The following BEND4 variants were observed in gnomAD, a reference collection of about 807,000 sequenced individuals.
The protein encoded by BEND4 is BEN domain containing 4, also known as BEN domain-containing protein 4.
In BEND4, 27 loss-of-function variants were observed where a neutral mutation model predicts 54.7. The observed-to-expected ratio is 0.49, with a 90% CI of 0.36 to 0.68. BEND4 has a LOEUF of 0.68. Among genes scored for constraint, BEND4 ranks in the 30% least tolerant of loss-of-function variants. BEND4 has a pLI of 0.00. For synonymous variants in BEND4, 327 were observed against 299.5 expected (o/e 1.09, Z -0.95); for missense variants, 702 against 697.2 (o/e 1.01, Z -0.08).
chr4:42,134,667 G>A (rs975436903), intron 3 of BEND4, among the ~76,000 whole-genome samples: 4 of 152,318 alleles, frequency 2.6e-5, no homozygotes, highest in South Asian at 2.1e-4. Context: ...CCACGGTAAC[G>A]ATAACAGAAT....
chr4:42,120,312 T>G lies in BEND4; in HGVS notation c.1147-18A>C. The G allele has an allele frequency of 6.3e-7, 1 of 1,591,646 alleles. No homozygotes were observed. Among genetic ancestry groups the G allele is most frequent in the East Asian group, 2.3e-5 (1 of 44,204 alleles). On this transcript the variant is annotated intron_variant, in intron 4 of 5. Transcript: ENST00000502486. Reference sequence around the variant, plus strand: ...TTGCTTCCCTGGAAAAGCGAAATATTTTCTCATTACCCACCGAGCCAGCCA... The same window carrying G: ...TTGCTTCCCTGGAAAAGCGAAATATGTTCTCATTACCCACCGAGCCAGCCA...
At chr4:42,147,010 T>C (rs1382794425) in intron 2 of BEND4, among the ~76,000 whole-genome samples, 2 of 152,208 alleles carry the variant, frequency 1.3e-5, no homozygotes, top group Non-Finnish European at 1.5e-5. Context: ...AAAATCATTA[T>C]GTAATATACT....
chr4:42,132,567 C>T (rs547313371), intron 3 of BEND4, among the ~76,000 whole-genome samples: 2 of 152,204 alleles, frequency 1.3e-5, no homozygotes, highest in Admixed American at 6.5e-5. Context: ...GCCTCAGCCT[C>T]CCAAGTAGCT....
At chr4:42,142,509 T>C (rs1720923988) in intron 3 of BEND4, among the ~76,000 whole-genome samples, 1 of 150,894 alleles carries the variant, frequency 6.6e-6, no homozygotes, top group Non-Finnish European at 1.5e-5. Flanking sequence ...GGTGGGTGCC[T>C]GTAATCCCAG....
In BEND4 at chr4:42,143,865, G is replaced by A. The variant is rs1391635824; in HGVS notation, c.617C>T (p.Ser206Leu). ...SMISCVKQEG[S>L]SYNERQEHCH... is the part of the protein sequence containing the mutation. ...GTGCTCCTGTCTTTCGTTGTAACTT[G>A]AGCCTTCCTGCTTTACGCAAGAAAT... is the stretch of plus-strand genomic sequence containing the variant. Residue 206 changes from serine to leucine, a missense_variant, in exon 3 of 6, where the codon TCA becomes TTA. Physicochemically the swap from Ser to Leu is moderately radical, Grantham distance 145. Coordinates refer to ENST00000502486, the MANE Select transcript of BEND4 (RefSeq NM_207406.4). The A allele has an allele frequency of 4.5e-6, 7 of 1,551,968 alleles. No individual in the cohort carries two copies. In the Admixed American group the frequency reaches 5.9e-5, roughly 13 times the overall value.
At chr4:42,142,897 A>C (rs1010254585) in intron 3 of BEND4, among the ~76,000 whole-genome samples, 11 of 152,244 alleles carry the variant, frequency 7.2e-5, no homozygotes, top group African/African-American at 2.4e-4. Flanking sequence ...AAGGAAAGGC[A>C]GGGAAAATTA....
rs1719744841 is a variant in BEND4, at chr4:42,115,061, G to C, written c.*2457C>G. 1 of 152,308 alleles carries C rather than the reference G, an allele frequency of 6.6e-6. No individual in the cohort carries two copies. The highest frequency in any genetic ancestry group is 2.4e-5 in the African/African-American group (1 of 41,464). The allele number at this position is 152,308 out of a possible 1,614,324, so 9.4% of individuals were successfully genotyped here. A position where few individuals can be genotyped will look rare whatever the true frequency, so the allele number is the denominator to read the frequency against. ...GCAAAAGCTGTAGGTCCGAGACCCA[G>C]CAGAGGAGTTAGAACTGGCTGTGCG... is the stretch of plus-strand genomic sequence containing the variant. On this transcript the variant is annotated 3_prime_UTR_variant, in exon 6 of 6. Coordinates refer to ENST00000502486, the MANE Select transcript of BEND4 (RefSeq NM_207406.4).
chr4:42,120,164 T>TGCGGCCTTGC lies in BEND4; in HGVS notation c.1276_1277insGCAAGGCCGC (p.Asp426GlyfsTer5). 1 of 1,613,966 alleles carries TGCGGCCTTGC rather than the reference T, an allele frequency of 6.2e-7. No individual in the cohort carries two copies. The highest frequency in any genetic ancestry group is 1.1e-5 in the South Asian group (1 of 91,072). On this transcript the variant is annotated frameshift_variant, in exon 5 of 6. Transcript: ENST00000502486. LOFTEE classifies it high-confidence loss of function. ...AAGGCCGCATGAGTACTTAAGCTCA[T>TGCGGCCTTGC]CGGTTGTGAAAACAAATCTGATGAG...
chr4:42,148,010 GTGAAATATATTAATATTAAAAA>G (rs1721137208), intron 2 of BEND4, among the ~76,000 whole-genome samples: 1 of 152,080 alleles, frequency 6.6e-6, no homozygotes, highest in African/African-American at 2.4e-5. Flanking sequence ...CCAGCGAAGG[GTGAAATATATTAATATTAAAAA>G]TGCAGAAGCA....
chr4:42,133,574 G>A (rs867261418), intron 3 of BEND4, among the ~76,000 whole-genome samples: 1 of 152,218 alleles, frequency 6.6e-6, no homozygotes, highest in Non-Finnish European at 1.5e-5. Flanking sequence ...GGGAAAATGG[G>A]CGAGGCGCCG....
rs543730804 is a variant in BEND4 at position 42,123,983 on chromosome 4, A to T, written c.1146+1600T>A. Among the ~76,000 whole-genome samples the T allele has an allele frequency of 5.3e-5, 8 of 152,350 alleles. 1 individual carries two copies. In the South Asian group the frequency reaches 1.7e-3, roughly 32 times the overall value. ...AACCACTGTGGGCCAGGTATTTGGCACGGTGGTCTACAGTGAAGCCACAGG... is the reference window on the plus strand; with the variant it reads ...AACCACTGTGGGCCAGGTATTTGGCTCGGTGGTCTACAGTGAAGCCACAGG... On this transcript the variant is annotated intron_variant, in intron 4 of 5. Transcript: ENST00000502486.
At position 42,114,097 on chromosome 4, in the gene BEND4, A is replaced by G. The variant is rs183029714; in HGVS notation, c.*3421T>C. 3.9e-5 allele frequency: 6 copies of G among 152,362 alleles called. No homozygotes were observed. Among genetic ancestry groups the G allele is most frequent in the African/African-American group, 7.2e-5 (3 of 41,590 alleles). The allele number at this position is 152,362 out of a possible 1,614,324, so 9.4% of individuals were successfully genotyped here. On this transcript the variant is annotated 3_prime_UTR_variant, in exon 6 of 6. Coordinates refer to ENST00000502486, the MANE Select transcript of BEND4 (RefSeq NM_207406.4). Reference sequence around the variant, plus strand: ...ACAGTTTTTCTTGAAAGCATTTAACACTAAGGTTAAGCCATGAGATTTTGA... The same window carrying G: ...ACAGTTTTTCTTGAAAGCATTTAACGCTAAGGTTAAGCCATGAGATTTTGA...
chr4:42,123,473 G>A (rs578110338), intron 4 of BEND4, among the ~76,000 whole-genome samples: 1 of 151,856 alleles, frequency 6.6e-6, no homozygotes, highest in African/African-American at 2.4e-5. Context: ...GGAAGACACA[G>A]GTGTACATTT....
chr4:42,124,617 G>A (rs1269781106), intron 4 of BEND4, among the ~76,000 whole-genome samples: 2 of 152,202 alleles, frequency 1.3e-5, no homozygotes, highest in African/African-American at 4.8e-5. Flanking sequence ...GTCACCAGGG[G>A]CCTCTTGCAG....
At chr4:42,137,773 C>G (rs1035562729) in intron 3 of BEND4, among the ~76,000 whole-genome samples, 1 of 152,008 alleles carries the variant, frequency 6.6e-6, no homozygotes, top group Non-Finnish European at 1.5e-5. Context: ...AACAAATAAC[C>G]CAATTACAAA....
intron 4 of BEND4, among the ~76,000 whole-genome samples, chr4:42,122,731 GTTTA>G (rs1577747932): frequency 6.6e-6 from 1 of 152,174 alleles, no homozygotes; most frequent in East Asian, 1.9e-4. Flanking sequence ...TTTTTAAGCT[GTTTA>G]TTTAACACCA....
chr4:42,121,402 G>A (rs1249419185), intron 4 of BEND4, among the ~76,000 whole-genome samples: 1 of 152,216 alleles, frequency 6.6e-6, no homozygotes, highest in Non-Finnish European at 1.5e-5. Flanking sequence ...ACGGCGTGAT[G>A]TGGTTTCCTT....
At chr4:42,150,208 A>G (rs912017282) in intron 2 of BEND4, among the ~76,000 whole-genome samples, 1 of 152,170 alleles carries the variant, frequency 6.6e-6, no homozygotes, top group Non-Finnish European at 1.5e-5. Flanking sequence ...AGAAGGGGGG[A>G]AAAAGAAAAA....
intron 5 of BEND4, among the ~76,000 whole-genome samples, chr4:42,118,130 C>T (rs1316607008): frequency 6.6e-6 from 1 of 151,990 alleles, no homozygotes; most frequent in African/African-American, 2.4e-5. Flanking sequence ...CAGCAAATAC[C>T]ATTAGCATGG....
Sources: allele counts gnomAD v4.1 joint callset (sites outside exome capture counted in the v4.1 genomes callset), GRCh38; gene constraint gnomAD v4.1.1; transcripts MANE v1.5; gene names NCBI Gene and HGNC (gene_info 2026-07-23, HGNC 2026-07-21).